Variants in PRKN observed in about 807,000 individuals in gnomAD.
PRKN encodes the protein parkin RBR E3 ubiquitin protein ligase, also known as E3 ubiquitin-protein ligase parkin.
A neutral mutation model predicts 59.5 loss-of-function variants in PRKN; 56 were observed. The ratio of observed to expected loss-of-function variants is 0.94; its 90% CI spans 0.76 to 1.18. The LOEUF (loss-of-function observed/expected upper bound fraction) is 1.18, where lower values mean the gene tolerates loss of function less well. Among genes scored for constraint, PRKN ranks in the 50% most tolerant of loss-of-function variants. The pLI is 0.00. For synonymous variants in PRKN, 250 were observed against 222.1 expected (o/e 1.13, Z -1.12); for missense variants, 657 against 596.4 (o/e 1.10, Z -1.06).
At chr6:162,448,743 T>A (rs964919618) in intron 1 of PRKN, among the ~76,000 whole-genome samples, 2 of 152,130 alleles carry the variant, frequency 1.3e-5, no homozygotes, top group Non-Finnish European at 2.9e-5. Flanking sequence ...GCAATGGATA[T>A]GTCATCAACT....
intron 10 of PRKN, among the ~76,000 whole-genome samples, chr6:161,383,698 C>T (rs747542652): frequency 2.6e-5 from 4 of 152,212 alleles, no homozygotes; most frequent in African/African-American, 9.6e-5. Context: ...GTGGTCATGG[C>T]TCCCCAGTGA....
chr6:161,513,430 C>T (rs1023018589), intron 9 of PRKN, among the ~76,000 whole-genome samples: 5 of 150,022 alleles, frequency 3.3e-5, no homozygotes, highest in African/African-American at 4.9e-5. Flanking sequence ...TTAGTAGAGA[C>T]GGGATTTCAC....
chr6:161,453,583 A>G (rs1010587001), intron 9 of PRKN, among the ~76,000 whole-genome samples: 1 of 152,222 alleles, frequency 6.6e-6, no homozygotes, highest in Non-Finnish European at 1.5e-5. Flanking sequence ...TTTCAAGATT[A>G]CAACATCAGC....
chr6:162,491,771 G>T (rs1472696527), intron 1 of PRKN, among the ~76,000 whole-genome samples: 1 of 152,174 alleles, frequency 6.6e-6, no homozygotes, highest in African/African-American at 2.4e-5. Flanking sequence ...GCTTGTTGAG[G>T]TGACCAGCCG....
intron 7 of PRKN, among the ~76,000 whole-genome samples, chr6:161,603,347 T>G (rs1454287622): frequency 1.3e-5 from 2 of 152,232 alleles, no homozygotes; most frequent in African/African-American, 4.8e-5. Context: ...ATTAGTTATA[T>G]TGTTCTGAAC....
rs143810208 is a variant in PRKN, at chr6:162,247,987, T to C, written c.412+14538A>G. ...TGATCAGATCTAAAATTTAAAAATA[T>C]AGACCATAAAAATTCAACAATATAC... is the stretch of plus-strand genomic sequence containing the variant. On this transcript the variant is annotated intron_variant, in intron 3 of 11. Transcript: ENST00000366898. 1.1e-3 allele frequency among the ~76,000 whole-genome samples: 172 copies of C among 152,276 alleles called. 1 individual carries two copies. Among genetic ancestry groups the C allele is most frequent in the African/African-American group, 3.9e-3 (164 of 41,562 alleles).
chr6:162,632,156 G>A (rs1783135917), intron 1 of PRKN, among the ~76,000 whole-genome samples: 1 of 152,110 alleles, frequency 6.6e-6, no homozygotes, highest in African/African-American at 2.4e-5. Flanking sequence ...CCATTACTGG[G>A]TATATACTCA....
chr6:161,952,141 C>T (rs1780012495), intron 6 of PRKN, among the ~76,000 whole-genome samples: 1 of 152,044 alleles, frequency 6.6e-6, no homozygotes, highest in South Asian at 2.1e-4. Flanking sequence ...CTACCTGAAC[C>T]CTCGGAAAGG....
At chr6:162,638,739 CTTTTTTTTTTT>C (rs370517141) in intron 1 of PRKN, among the ~76,000 whole-genome samples, 3 of 99,660 alleles carry the variant, frequency 3.0e-5, no homozygotes, top group Non-Finnish European at 5.7e-5. Context: ...CTAACTATCC[CTTTTTTTTTTT>C]TTTTTTTTTT....
intron 2 of PRKN, among the ~76,000 whole-genome samples, chr6:162,390,317 C>A (rs900916335): frequency 6.8e-6 from 1 of 147,352 alleles, no homozygotes; most frequent in African/African-American, 2.5e-5. Context: ...TTAAAGAAAT[C>A]TTTCCAATGA....
chr6:161,441,474 G>GT (rs1344736627), intron 9 of PRKN, among the ~76,000 whole-genome samples: 1 of 151,768 alleles, frequency 6.6e-6, no homozygotes, highest in Non-Finnish European at 1.5e-5. Context: ...GTGAAACCCC[G>GT]TATCTACTAA....
intron 3 of PRKN, among the ~76,000 whole-genome samples, chr6:162,208,000 A>G (rs1785033513): frequency 6.6e-6 from 1 of 152,230 alleles, no homozygotes; most frequent in Non-Finnish European, 1.5e-5. Context: ...TTGTTGGGAT[A>G]TCATATTTGA....
At chr6:162,097,156 G>A (rs1166461496) in intron 4 of PRKN, among the ~76,000 whole-genome samples, 6 of 152,142 alleles carry the variant, frequency 3.9e-5, no homozygotes, top group Admixed American at 1.3e-4. Flanking sequence ...GACTACAGGC[G>A]TGAGCCACTG....
chr6:162,386,454 T>C (rs1172220005), intron 2 of PRKN, among the ~76,000 whole-genome samples: 2 of 152,252 alleles, frequency 1.3e-5, no homozygotes, highest in Non-Finnish European at 1.5e-5. Context: ...TCTCTGCTCC[T>C]GCCACAAAAC....
chr6:161,494,165 T>C (rs1475377125), intron 9 of PRKN, among the ~76,000 whole-genome samples: 1 of 152,066 alleles, frequency 6.6e-6, no homozygotes, highest in Non-Finnish European at 1.5e-5. Context: ...TTTGGCAGCT[T>C]TTAAAAAATA....
intron 1 of PRKN, among the ~76,000 whole-genome samples, chr6:162,499,031 T>A (rs544609033): frequency 1.3e-5 from 2 of 152,302 alleles, no homozygotes; most frequent in South Asian, 4.2e-4. Context: ...GATTCTAACA[T>A]GTTCAACTTA....
chr6:161,515,252 GA>G (rs1778545602), intron 9 of PRKN, among the ~76,000 whole-genome samples: 1 of 151,988 alleles, frequency 6.6e-6, no homozygotes, highest in Non-Finnish European at 1.5e-5. Flanking sequence ...CCTGTTATCT[GA>G]AAACACAGAA....
intron 1 of PRKN, among the ~76,000 whole-genome samples, chr6:162,482,244 T>C (rs1443083056): frequency 6.6e-6 from 1 of 152,188 alleles, no homozygotes; most frequent in African/African-American, 2.4e-5. Context: ...CAAAAATATT[T>C]AAAACACTGT....
intron 4 of PRKN, among the ~76,000 whole-genome samples, chr6:162,111,693 C>T (rs993676694): frequency 6.7e-6 from 1 of 148,772 alleles, no homozygotes; most frequent in African/African-American, 2.5e-5. Flanking sequence ...AAGTTTTCTA[C>T]AGTCTCACAA....
Sources: gnomAD v4.1 joint callset for allele counts (sites outside exome capture counted in the v4.1 genomes callset) on GRCh38, gnomAD v4.1.1 for gene constraint, MANE v1.5 for transcripts, NCBI Gene and HGNC (gene_info 2026-07-23, HGNC 2026-07-21) for gene names.